Variants in C3orf49 observed in about 807,000 individuals in gnomAD.
C3orf49 encodes the protein chromosome 3 open reading frame 49, also known as putative uncharacterized protein C3orf49.
Under a neutral mutation model 13.3 loss-of-function variants are expected in C3orf49, and 27 were observed. That is an observed-to-expected ratio of 2.02 (90% CI 1.49 to 2.79). C3orf49 has a LOEUF of 2.79. C3orf49 is among the 30% of genes most tolerant of loss of function. The pLI is 0.00. For missense variants in C3orf49, 242 were observed against 134.2 expected (o/e 1.80, Z -3.97); for synonymous variants, 87 against 47.6 (o/e 1.83, Z -3.40).
chr3:63,841,863 G>A (rs963621606), intron 5 of C3orf49, among the ~76,000 whole-genome samples: 2 of 152,130 alleles, frequency 1.3e-5, no homozygotes, highest in African/African-American at 4.8e-5. Flanking sequence ...GAATCTGGTG[G>A]CACTGATGGT....
At chr3:63,804,948 A>C in the C3orf49 span, 3 of 152,224 alleles carry the variant, frequency 2.0e-5, no homozygotes, top group Non-Finnish European at 4.4e-5. Context: ...AATTAATAAC[A>C]TACAGTAGAA....
chr3:63,796,322 T>C, the C3orf49 span, among the ~76,000 whole-genome samples: 1 of 152,164 alleles, frequency 6.6e-6, no homozygotes, highest in Admixed American at 6.5e-5. Context: ...CTTTTAAAAA[T>C]ATTAATATGA....
At chr3:63,797,766 G>A in the C3orf49 span, among the ~76,000 whole-genome samples, 1 of 152,146 alleles carries the variant, frequency 6.6e-6, no homozygotes, top group African/African-American at 2.4e-5. Flanking sequence ...TTGTTGTGAA[G>A]ATGAGAAGTC....
chr3:63,834,143 G>C (rs1476501406), intron 5 of C3orf49: 2 of 1,613,866 alleles, frequency 1.2e-6, no homozygotes, highest in Non-Finnish European at 1.7e-6. Context: ...TATGGCTTAG[G>C]ATCTGTTTCC....
At chr3:63,812,485 A>G in the C3orf49 span, among the ~76,000 whole-genome samples, 1 of 152,216 alleles carries the variant, frequency 6.6e-6, no homozygotes. Context: ...CCAAACACAT[A>G]AAAAAGTCAA....
At chr3:63,820,522 C>A (rs1261924811) in intron 1 of C3orf49, among the ~76,000 whole-genome samples, 1 of 152,140 alleles carries the variant, frequency 6.6e-6, no homozygotes, top group Non-Finnish European at 1.5e-5. Context: ...GAATGGGAAA[C>A]ACCTTCTAGA....
chr3:63,801,562 C>G, the C3orf49 span, among the ~76,000 whole-genome samples: 9 of 152,098 alleles, frequency 5.9e-5, no homozygotes, highest in Admixed American at 4.6e-4. Flanking sequence ...GTTACTTCAC[C>G]TTTCTGTTGT....
chr3:63,819,064 G>A (rs558520879), upstream of C3orf49, among the ~76,000 whole-genome samples: 4 of 152,278 alleles, frequency 2.6e-5, no homozygotes, highest in Admixed American at 2.0e-4. Context: ...ACGCACTTCT[G>A]AATGTGGTGG....
In C3orf49 at chr3:63,823,543, C is replaced by A. The variant is rs1004498699; in HGVS notation, c.419C>A (p.Ala140Glu). Residue 140 changes from alanine (A) to glutamate (E), a missense_variant, in exon 2 of 7, where the codon GCA becomes GAA. Coordinates refer to ENST00000295896, the MANE Select transcript of C3orf49 (RefSeq NM_001355236.2). Reference protein sequence around the residue: ...KEFSSPKLFTAKMRKLSENAT... With the variant: ...KEFSSPKLFTEKMRKLSENAT... ...TTTTCATCTCCCAAGTTATTTACAG[C>A]AAAAATGAGAAAGCTCTCAGAGAAT... The A allele has an allele frequency of 7.2e-6, 5 of 697,132 alleles. No homozygotes were observed. The highest frequency in any genetic ancestry group is 1.3e-5 in the Non-Finnish European group (5 of 383,188). The allele number at this position is 697,132 out of a possible 1,614,324, so 43.2% of individuals were successfully genotyped here. A position where few individuals can be genotyped will look rare whatever the true frequency, so the allele number is the denominator to read the frequency against.
At chr3:63,835,064 G>T in intron 5 of C3orf49, 1 of 1,281,044 alleles carries the variant, frequency 7.8e-7, no homozygotes, top group Non-Finnish European at 1.1e-6. Context: ...AAGGTATACT[G>T]TCTCTCCAAG....
intron 5 of C3orf49, chr3:63,838,293 A>G: frequency 9.2e-7 from 1 of 1,090,584 alleles, no homozygotes; most frequent in Non-Finnish European, 1.3e-6. Flanking sequence ...TTTTACCACC[A>G]AAGAAAATTG....
At chr3:63,838,539 G>C (rs752352949) in intron 5 of C3orf49, 1 of 1,563,252 alleles carries the variant, frequency 6.4e-7, no homozygotes, top group South Asian at 1.2e-5. Context: ...AGATATTTGT[G>C]GACTGACAAA....
At chr3:63,844,620 G>A (rs1427789692) in intron 5 of C3orf49, among the ~76,000 whole-genome samples, 1 of 152,210 alleles carries the variant, frequency 6.6e-6, no homozygotes, top group Non-Finnish European at 1.5e-5. Context: ...ACAGGCTTAT[G>A]CAGCTATTGT....
At chr3:63,828,181 T>G (rs904305941) in intron 3 of C3orf49, among the ~76,000 whole-genome samples, 23 of 152,194 alleles carry the variant, frequency 1.5e-4, no homozygotes, top group Non-Finnish European at 2.8e-4. Context: ...TTAATCTTAA[T>G]TTTCATTGAA....
chr3:63,834,089 T>C (rs1701574887), intron 5 of C3orf49: 1 of 1,596,284 alleles, frequency 6.3e-7, no homozygotes, highest in Non-Finnish European at 8.6e-7. Flanking sequence ...TATGGTCATG[T>C]AGCTATTTCA....
At chr3:63,841,394 A>G (rs1673605204) in intron 5 of C3orf49, among the ~76,000 whole-genome samples, 1 of 152,142 alleles carries the variant, frequency 6.6e-6, no homozygotes, top group Non-Finnish European at 1.5e-5. Context: ...TTTTTATAGT[A>G]CGCAGTAATT....
the C3orf49 span, among the ~76,000 whole-genome samples, chr3:63,802,549 T>A: frequency 6.6e-6 from 1 of 152,254 alleles, no homozygotes; most frequent in East Asian, 1.9e-4. Context: ...AATACAGTTA[T>A]GATTATGTGG....
chr3:63,790,778 T>C, the C3orf49 span, among the ~76,000 whole-genome samples: 4 of 152,194 alleles, frequency 2.6e-5, no homozygotes, highest in African/African-American at 9.7e-5. Flanking sequence ...TTGTTTTTGA[T>C]ATGTATCTTC....
rs2107103041 is a variant in C3orf49 at position 63,827,668 on chromosome 3, G to A, written c.513G>A (p.Arg171=). The A allele has an allele frequency of 1.4e-6, 1 of 703,078 alleles. No individual in the cohort carries two copies. The highest frequency in any genetic ancestry group is 2.3e-4 in the Middle Eastern group (1 of 4,370). 43.6% of individuals were successfully genotyped at this position (703,078 alleles called of 1,614,324 possible). A position where few individuals can be genotyped will look rare whatever the true frequency, so the allele number is the denominator to read the frequency against. Residue 171 remains arginine, a synonymous_variant, in exon 3 of 7, where the codon CGG becomes CGA. Transcript: ENST00000295896. ...TAACCCAGGGAAACACACTCCTTCG[G>A]GCCAGGAGAACCACCAAGCGGTTAT... is the stretch of plus-strand genomic sequence containing the variant. ...EEITQGNTLL[R]ARRTTKRLSV... is the part of the protein sequence containing the mutation.
Sources: gnomAD v4.1 joint callset for allele counts (sites outside exome capture counted in the v4.1 genomes callset) on GRCh38, gnomAD v4.1.1 for gene constraint, MANE v1.5 for transcripts, NCBI Gene and HGNC (gene_info 2026-07-23, HGNC 2026-07-21) for gene names.